Variants in TMIGD3 observed in about 807,000 individuals in gnomAD.
TMIGD3 encodes AD026 protein (AD026).
A neutral mutation model predicts 28.1 loss-of-function variants in TMIGD3; 21 were observed. The observed-to-expected ratio is 0.75, with a 90% confidence interval of 0.53 to 1.08. The LOEUF (loss-of-function observed/expected upper bound fraction) is 1.08. TMIGD3 is among the 50% of genes least tolerant of loss of function. The pLI is 0.00. For missense variants in TMIGD3, 416 were observed against 435.6 expected (o/e 0.96, Z 0.40); for synonymous variants, 151 against 162.1 (o/e 0.93, Z 0.52).
At chr1:111,528,607 G>C (rs12146096) in intron 1 of TMIGD3, among the ~76,000 whole-genome samples, 42,215 of 152,042 alleles carry the variant, frequency 0.28, 6,615 homozygotes, top group Admixed American at 0.44. Flanking sequence ...ATATAGTTGG[G>C]AAGAACTGAC....
At chr1:111,489,464 T>C in intron 2 of TMIGD3, 1 of 741,580 alleles carries the variant, frequency 1.3e-6, no homozygotes, top group Non-Finnish European at 1.7e-6. Flanking sequence ...ATCTTGAACT[T>C]ACCACCTTCA....
At chr1:111,555,939 T>G (rs1052258148) in intron 1 of TMIGD3, among the ~76,000 whole-genome samples, 1 of 152,066 alleles carries the variant, frequency 6.6e-6, no homozygotes, top group African/African-American at 2.4e-5. Flanking sequence ...TTTAAAACAT[T>G]TGTGCATCAA....
chr1:111,489,227 C>T (rs1019285680), intron 2 of TMIGD3, among the ~76,000 whole-genome samples: 1 of 152,164 alleles, frequency 6.6e-6, no homozygotes, highest in Non-Finnish European at 1.5e-5. Context: ...CCAGTGACCC[C>T]AGAATGTGAC....
rs77848158 is a variant in TMIGD3, at chr1:111,486,593, G to A, written c.865C>T (p.Arg289Cys). 2.8e-4 allele frequency: 449 copies of A among 1,612,802 alleles called. 2 individuals are homozygous for A. In the East Asian group the frequency reaches 8.9e-3, roughly 32 times the overall value. Residue 289 changes from arginine (R) to cysteine (C), a missense_variant, in exon 4 of 6, where the codon CGC (arginine) becomes TGC (cysteine). Coordinates refer to ENST00000369716, the MANE Select transcript of TMIGD3 (RefSeq NM_020683.7). ...GCCAAGACTATGACTCACCTGGAGC[G>A]GTCAGCCTTGCGGACAACTTTGGGA... is the stretch of plus-strand genomic sequence containing the variant. ...KAPKVVRKAD[R>C]SRTSILIICI...
At chr1:111,539,876 C>A (rs567999751) in intron 1 of TMIGD3, among the ~76,000 whole-genome samples, 35 of 152,292 alleles carry the variant, frequency 2.3e-4, no homozygotes, top group African/African-American at 8.2e-4. Flanking sequence ...AAAGCCTTAA[C>A]TAGCTAGCTC....
At chr1:111,524,586 A>T (rs1232429197) in intron 1 of TMIGD3, among the ~76,000 whole-genome samples, 1 of 151,898 alleles carries the variant, frequency 6.6e-6, no homozygotes, top group Non-Finnish European at 1.5e-5. Context: ...CTTTACTCTT[A>T]TTTATTTCAA....
chr1:111,487,247 T>C (rs1654424289), intron 3 of TMIGD3, among the ~76,000 whole-genome samples: 1 of 152,152 alleles, frequency 6.6e-6, no homozygotes, highest in Non-Finnish European at 1.5e-5. Context: ...CAGGTCAAGT[T>C]GCACAGTTAA....
At chr1:111,517,500 G>T (rs1655908069) in intron 1 of TMIGD3, among the ~76,000 whole-genome samples, 1 of 152,096 alleles carries the variant, frequency 6.6e-6, no homozygotes, top group African/African-American at 2.4e-5. Context: ...CCTATTCTGA[G>T]AATTTGCCCT....
chr1:111,507,623 C>T (rs1381199450), upstream of TMIGD3, among the ~76,000 whole-genome samples: 2 of 152,206 alleles, frequency 1.3e-5, no homozygotes, highest in Non-Finnish European at 2.9e-5. Flanking sequence ...GCCTCTGGAG[C>T]CCTAGAGCTG....
intron 1 of TMIGD3, among the ~76,000 whole-genome samples, chr1:111,548,137 C>T (rs1427349851): frequency 6.6e-6 from 1 of 152,234 alleles, no homozygotes; most frequent in Non-Finnish European, 1.5e-5. Context: ...TCTCCTGCCT[C>T]AGCCTCCTGA....
At chr1:111,523,902 T>A (rs1336903446) in intron 1 of TMIGD3, among the ~76,000 whole-genome samples, 1 of 151,958 alleles carries the variant, frequency 6.6e-6, no homozygotes, top group East Asian at 1.9e-4. Flanking sequence ...AATCTGCTTT[T>A]GTTTCAACGA....
At chr1:111,500,734 T>C (rs1036457364) in intron 1 of TMIGD3, 1 of 634,428 alleles carries the variant, frequency 1.6e-6, no homozygotes, top group Admixed American at 3.0e-5. Flanking sequence ...TAAACTCCAC[T>C]GGATACGAAG....
chr1:111,488,817 A>C lies in TMIGD3; in HGVS notation c.665T>G (p.Met222Arg). The C allele has an allele frequency of 6.2e-7, 1 of 1,614,254 alleles. No individual in the cohort carries two copies. Among genetic ancestry groups the C allele is most frequent in the Non-Finnish European group, 8.5e-7 (1 of 1,180,044 alleles). ...CGTGTCCTCTTTGGTCAGGCAGGAC[A>C]TAGTGACAATGAGCTGGTTCCCTGT... The part of the protein sequence containing the change: ...RDTGNQLIVT[M>R]SCLTKEDTGW... The change falls in exon 3 of 6, where the codon ATG becomes AGG. Residue 222 changes from methionine to arginine, a missense_variant. Coordinates refer to ENST00000369716, the MANE Select transcript of TMIGD3 (RefSeq NM_020683.7).
At chr1:111,489,379 G>A (rs1654545708) in intron 2 of TMIGD3, 1 of 271,144 alleles carries the variant, frequency 3.7e-6, no homozygotes. Flanking sequence ...TGGCCCATGA[G>A]GACACAGCCA....
At chr1:111,518,239 A>G (rs1311607567) in intron 1 of TMIGD3, among the ~76,000 whole-genome samples, 1 of 152,248 alleles carries the variant, frequency 6.6e-6, no homozygotes, top group Non-Finnish European at 1.5e-5. Flanking sequence ...GGTTTTAATC[A>G]GCCACACTGA....
In TMIGD3 at chr1:111,502,988, C is replaced by T. The variant is rs1655322314; in HGVS notation, c.350+17G>A. ...CCCAGCTGCCTCAATTGCTGCCCACCCCACGCCGCAGGCTACCTGACGGTA... is the reference window on the plus strand; with the variant it reads ...CCCAGCTGCCTCAATTGCTGCCCACTCCACGCCGCAGGCTACCTGACGGTA... On this transcript the variant is annotated intron_variant, in intron 1 of 5. Transcript: ENST00000369716. The T allele has an allele frequency of 6.2e-7, 1 of 1,609,726 alleles. No homozygotes were observed. Among genetic ancestry groups the T allele is most frequent in the African/African-American group, 1.3e-5 (1 of 74,846 alleles).
chr1:111,485,687 CT>C, intron 5 of TMIGD3, 52 bp downstream of exon 5: 1 of 1,391,366 alleles, frequency 7.2e-7, no homozygotes, highest in Non-Finnish European at 1.0e-6. Flanking sequence ...TCCTTGACCT[CT>C]TTCATTTTCT....
At chr1:111,529,912 GGCAGAGGGGC>G (rs1656396461) in intron 1 of TMIGD3, among the ~76,000 whole-genome samples, 5 of 148,276 alleles carry the variant, frequency 3.4e-5, no homozygotes, top group African/African-American at 1.0e-4. Flanking sequence ...CGGCTGGCCG[GGCAGAGGGGC>G]TCCTCACTTC....
chr1:111,548,713 T>G (rs1657133653), intron 1 of TMIGD3, among the ~76,000 whole-genome samples: 2 of 152,224 alleles, frequency 1.3e-5, no homozygotes, highest in South Asian at 4.1e-4. Context: ...ATATTCAATA[T>G]CATCTCATCC....
Sources: allele counts gnomAD v4.1 joint callset (sites outside exome capture counted in the v4.1 genomes callset), GRCh38; gene constraint gnomAD v4.1.1; transcripts MANE v1.5; gene names NCBI Gene and HGNC (gene_info 2026-07-23, HGNC 2026-07-21).